EYS: variants seen among roughly 807,000 people sequenced by gnomAD.
EYS encodes EGF-like photoreceptor maintenance factor, also known as protein eyes shut homolog.
Under a neutral mutation model 282.1 loss-of-function variants are expected in EYS, and 250 were observed. That is an observed-to-expected ratio of 0.89 (90% CI 0.80 to 0.98). The LOEUF is 0.98. EYS is among the 50% of genes least tolerant of loss of function. The pLI is 0.00. For synonymous variants in EYS, 1,355 were observed against 1,282.9 expected (o/e 1.06, Z -1.20); for missense variants, 4,016 against 3,709.0 (o/e 1.08, Z -2.15).
intron 12 of EYS, among the ~76,000 whole-genome samples, chr6:65,261,091 C>T (rs1767607994): frequency 6.6e-6 from 1 of 151,950 alleles, no homozygotes; most frequent in African/African-American, 2.4e-5. Context: ...AGAATAAGAA[C>T]ATTTCAGAAT....
intron 23 of EYS, among the ~76,000 whole-genome samples, chr6:64,623,275 T>C (rs1482916259): frequency 6.6e-6 from 1 of 152,150 alleles, no homozygotes; most frequent in Non-Finnish European, 1.5e-5. Context: ...ACTGAAACTT[T>C]ATGAGGAGTT....
intron 35 of EYS, among the ~76,000 whole-genome samples, chr6:63,939,275 G>C (rs1241181287): frequency 1.3e-5 from 2 of 151,944 alleles, no homozygotes; most frequent in African/African-American, 4.8e-5. Context: ...GATTAAGAGG[G>C]ATACCAAGTT....
At chr6:65,209,902 T>C (rs1445732451) in intron 12 of EYS, among the ~76,000 whole-genome samples, 2 of 151,932 alleles carry the variant, frequency 1.3e-5, no homozygotes, top group Non-Finnish European at 2.9e-5. Context: ...GGGAAATAGG[T>C]TGACTTTAAG....
rs1416353768 is a variant in EYS at position 65,430,504 on chromosome 6, T to C, written c.863-25137A>G. Reference sequence around the variant, plus strand: ...GGGACTGCAACTCATAGGCAAGTCCTAGCACTGAACTAAGCTGATACAGTT... The same window carrying C: ...GGGACTGCAACTCATAGGCAAGTCCCAGCACTGAACTAAGCTGATACAGTT... On this transcript the variant is annotated intron_variant, in intron 5 of 42. Coordinates refer to ENST00000503581, the MANE Select transcript of EYS (RefSeq NM_001142800.2). Among the ~76,000 whole-genome samples, 13 of 152,126 alleles carry C rather than the reference T, an allele frequency of 8.5e-5. 1 individual carries two copies.
At chr6:64,849,864 T>C (rs1460475672) in intron 19 of EYS, among the ~76,000 whole-genome samples, 1 of 148,848 alleles carries the variant, frequency 6.7e-6, no homozygotes, top group Non-Finnish European at 1.5e-5. Flanking sequence ...AATTTTCTAC[T>C]AAAAAAAGAA....
chr6:64,239,900 C>T (rs748963139), intron 30 of EYS, among the ~76,000 whole-genome samples: 3 of 151,910 alleles, frequency 2.0e-5, no homozygotes, highest in Non-Finnish European at 4.4e-5. Context: ...CTTACATTTA[C>T]GTCTTTAATC....
At chr6:63,965,705 T>A (rs1766273699) in intron 35 of EYS, among the ~76,000 whole-genome samples, 1 of 152,196 alleles carries the variant, frequency 6.6e-6, no homozygotes, top group Admixed American at 6.5e-5. Context: ...TTGCCTGATT[T>A]TCATAAAAAC....
Position 65,319,117 on chromosome 6 carries a change from G to A in EYS, c.1766+15863C>T, listed in dbSNP as rs373238914. 2.7e-5 allele frequency among the ~76,000 whole-genome samples: 4 copies of A among 146,030 alleles called. No individual in the cohort carries two copies. In the South Asian group the frequency reaches 8.6e-4, roughly 31 times the overall value. On this transcript the variant is annotated intron_variant, in intron 11 of 42. Coordinates refer to ENST00000503581, the MANE Select transcript of EYS (RefSeq NM_001142800.2). ...CTCAGGCCTGTAATCCCAGCACTTT[G>A]AGAGGCCAAGGCAGGTGGATCACTT...
chr6:64,245,871 T>G (rs1001939190), intron 30 of EYS, among the ~76,000 whole-genome samples: 2 of 151,846 alleles, frequency 1.3e-5, no homozygotes, highest in Non-Finnish European at 2.9e-5. Context: ...ATACAAAAAT[T>G]AGCCGGGCAT....
chr6:64,613,559 T>G (rs757347721), intron 24 of EYS, among the ~76,000 whole-genome samples: 1 of 152,106 alleles, frequency 6.6e-6, no homozygotes, highest in Non-Finnish European at 1.5e-5. Context: ...CCCCCAAACA[T>G]TGGAGAGACA....
At chr6:65,028,496 A>G (rs1772492724) in intron 13 of EYS, among the ~76,000 whole-genome samples, 1 of 152,028 alleles carries the variant, frequency 6.6e-6, no homozygotes, top group Admixed American at 6.6e-5. Flanking sequence ...TATAGTTAAT[A>G]ATAATGTATA....
chr6:65,349,621 A>G (rs1770526740), intron 9 of EYS, among the ~76,000 whole-genome samples: 1 of 151,534 alleles, frequency 6.6e-6, no homozygotes, highest in African/African-American at 2.4e-5. Flanking sequence ...GACCAAATCT[A>G]GCTAATTAAC....
chr6:63,966,596 A>C (rs1172277953), intron 35 of EYS, among the ~76,000 whole-genome samples: 1 of 152,206 alleles, frequency 6.6e-6, no homozygotes, highest in Non-Finnish European at 1.5e-5. Flanking sequence ...TAAAGGGTGA[A>C]AGTATACAGC....
intron 22 of EYS, among the ~76,000 whole-genome samples, chr6:64,764,323 A>G (rs1773255761): frequency 6.6e-6 from 1 of 152,192 alleles, no homozygotes; most frequent in South Asian, 2.1e-4. Flanking sequence ...GCTTCTGTGC[A>G]TCTGCAGGCC....
At chr6:65,501,631 TATC>T (rs1375962337) in intron 2 of EYS, among the ~76,000 whole-genome samples, 1 of 151,826 alleles carries the variant, frequency 6.6e-6, no homozygotes, top group Non-Finnish European at 1.5e-5. Context: ...CCATTCAAGA[TATC>T]ATTTCAATTT....
chr6:65,576,379 T>C (rs1278302010), intron 2 of EYS, among the ~76,000 whole-genome samples: 1 of 151,776 alleles, frequency 6.6e-6, no homozygotes, highest in Non-Finnish European at 1.5e-5. Context: ...AAATCAACAC[T>C]CTTCTATTAT....
intron 8 of EYS, among the ~76,000 whole-genome samples, chr6:65,370,190 C>CTTCT (rs1302393052): frequency 6.7e-6 from 1 of 149,532 alleles, no homozygotes; most frequent in African/African-American, 2.4e-5. Context: ...CGCAATGCCT[C>CTTCT]TTCTTTCTTT....
In EYS at chr6:64,004,691, C is replaced by A. The variant is rs191858920; in HGVS notation, c.6726-5508G>T. 4.6e-5 allele frequency among the ~76,000 whole-genome samples: 7 copies of A among 152,258 alleles called. No individual in the cohort carries two copies. In the East Asian group the frequency reaches 1.4e-3, roughly 29 times the overall value. On this transcript the variant is annotated intron_variant, in intron 33 of 42. Transcript: ENST00000503581. ...TGAGCTAAGCACTTAATATTTACCT[C>A]CCACTTGTAAACGAGATTGTGTGGT...
intron 1 of EYS, among the ~76,000 whole-genome samples, chr6:65,704,664 A>G (rs1288105723): frequency 6.6e-6 from 1 of 152,222 alleles, no homozygotes; most frequent in African/African-American, 2.4e-5. Context: ...TAATAACTCA[A>G]GAATAGACAC....
Sources: allele counts gnomAD v4.1 joint callset (sites outside exome capture counted in the v4.1 genomes callset), GRCh38; gene constraint gnomAD v4.1.1; transcripts MANE v1.5; gene names NCBI Gene and HGNC (gene_info 2026-07-23, HGNC 2026-07-21).